ROBO1: variants seen among roughly 807,000 people sequenced by gnomAD.
ROBO1 encodes the protein roundabout guidance receptor 1.
A neutral mutation model predicts 195.9 loss-of-function variants in ROBO1; 149 were observed. That is an observed-to-expected ratio of 0.76 (90% CI 0.67 to 0.87). ROBO1 has a LOEUF of 0.87. Among genes scored for constraint, ROBO1 ranks in the 40% least tolerant of loss-of-function variants. The pLI is 0.00. For synonymous variants in ROBO1, 816 were observed against 733.2 expected (o/e 1.11, Z -1.82); for missense variants, 1,933 against 2,068.3 (o/e 0.93, Z 1.27).
chr3:79,454,322 G>A (rs987362297), intron 2 of ROBO1, among the ~76,000 whole-genome samples: 1 of 151,958 alleles, frequency 6.6e-6, no homozygotes, highest in African/African-American at 2.4e-5. Flanking sequence ...TATTTGTCAA[G>A]GCATGTTTCC....
At chr3:79,618,473 AT>A (rs1257932907) in intron 1 of ROBO1, among the ~76,000 whole-genome samples, 1 of 152,082 alleles carries the variant, frequency 6.6e-6, no homozygotes, top group Non-Finnish European at 1.5e-5. Context: ...ACCTTGTGAC[AT>A]TACTTCTCCT....
At chr3:79,473,667 C>T (rs888826941) in intron 2 of ROBO1, among the ~76,000 whole-genome samples, 1 of 152,054 alleles carries the variant, frequency 6.6e-6, no homozygotes, top group Middle Eastern at 3.2e-3. Flanking sequence ...ATAGCATTAA[C>T]ATAATTTAAT....
At chr3:79,549,860 C>G (rs1942411739) in intron 2 of ROBO1, among the ~76,000 whole-genome samples, 1 of 151,914 alleles carries the variant, frequency 6.6e-6, no homozygotes. Flanking sequence ...GGTGGCTCAC[C>G]CAGGAAAGGT....
Position 78,688,692 on chromosome 3 carries a change from C to T in ROBO1, c.1126G>A (p.Gly376Arg), listed in dbSNP as rs766936398. The change falls in exon 9 of 31, where the codon GGA becomes AGA. Residue 376 changes from glycine to arginine, a missense_variant. Gly to Arg is a moderately radical substitution (Grantham distance 125). Around this residue, in one of 3 missense-constraint regions of ROBO1, gnomAD observed 1,737 missense variants for 1,882.5 expected, o/e 0.92. Transcript: ENST00000464233. ...RTVTFQCEAT[G>R]NPQPAIFWRR... Reference sequence around the variant, plus strand: ...CAGAAAATAGCTGGTTGAGGATTTCCGGTTGCTTCACACTGAAAAGTTACA... The same window carrying T: ...CAGAAAATAGCTGGTTGAGGATTTCTGGTTGCTTCACACTGAAAAGTTACA... 5.0e-6 allele frequency: 8 copies of T among 1,607,454 alleles called. No individual in the cohort carries two copies. Among genetic ancestry groups the T allele is most frequent in the South Asian group, 3.3e-5 (3 of 89,638 alleles).
rs1553658606 is a variant in ROBO1, at chr3:79,015,389, C to CCA, written c.173-76463_173-76462insTG. 1.1e-3 allele frequency among the ~76,000 whole-genome samples: 163 copies of CCA among 148,804 alleles called. 1 individual carries two copies. Among genetic ancestry groups the CCA allele is most frequent in the African/African-American group, 3.9e-3 (157 of 40,050 alleles). ...AGAAACCCTCCCCCACGCCCCCCCC[C>CCA]AAAAAAACAAGAAAAAGAAAGTACC... is the stretch of plus-strand genomic sequence containing the variant. On this transcript the variant is annotated intron_variant, in intron 3 of 30. Coordinates refer to ENST00000464233, the MANE Select transcript of ROBO1 (RefSeq NM_002941.4).
At chr3:78,912,994 T>C (rs983451138) in intron 4 of ROBO1, among the ~76,000 whole-genome samples, 1 of 152,132 alleles carries the variant, frequency 6.6e-6, no homozygotes, top group African/African-American at 2.4e-5. Context: ...AGAAATAGTA[T>C]ATGTAAAGAA....
chr3:79,733,273 C>T (rs866572627), intron 1 of ROBO1, among the ~76,000 whole-genome samples: 3 of 152,184 alleles, frequency 2.0e-5, no homozygotes, highest in Non-Finnish European at 4.4e-5. Flanking sequence ...TTCCCATTAA[C>T]CATACAGTTA....
At chr3:79,691,263 C>A (rs1254960547) in intron 1 of ROBO1, among the ~76,000 whole-genome samples, 1 of 151,802 alleles carries the variant, frequency 6.6e-6, no homozygotes. Context: ...TTGGTACCAT[C>A]CTCTGCCCCT....
intron 2 of ROBO1, among the ~76,000 whole-genome samples, chr3:79,575,981 T>C (rs1008851782): frequency 6.6e-6 from 1 of 151,898 alleles, no homozygotes; most frequent in African/African-American, 2.4e-5. Flanking sequence ...CTGTTGAATT[T>C]TAGTTATTTT....
At position 79,156,938 on chromosome 3, in the gene ROBO1, T is replaced by C. The variant is rs551427634; in HGVS notation, c.89-31399A>G. Among the ~76,000 whole-genome samples the C allele has an allele frequency of 2.0e-5, 3 of 151,980 alleles. No homozygotes were observed. The East Asian group carries it at 5.8e-4, about 30-fold the overall frequency. On this transcript the variant is annotated intron_variant, in intron 2 of 30. Transcript: ENST00000464233. ...CATATACTTAGAAAGTATCATCTAG[T>C]TATGGATTCTTTCAGAGAGCACACT... is the stretch of plus-strand genomic sequence containing the variant.
At chr3:79,513,379 T>A (rs1472114028) in intron 2 of ROBO1, among the ~76,000 whole-genome samples, 1 of 152,094 alleles carries the variant, frequency 6.6e-6, no homozygotes, top group Non-Finnish European at 1.5e-5. Context: ...CTCAACCATA[T>A]TTTTAAAAAG....
chr3:79,761,178 T>C (rs764550492), intron 1 of ROBO1, among the ~76,000 whole-genome samples: 5 of 148,652 alleles, frequency 3.4e-5, no homozygotes, highest in Non-Finnish European at 5.9e-5. Context: ...TGTATATACT[T>C]ATAGTATTTA....
intron 2 of ROBO1, among the ~76,000 whole-genome samples, chr3:79,475,719 C>T (rs549658057): frequency 6.6e-6 from 1 of 152,072 alleles, no homozygotes; most frequent in African/African-American, 2.4e-5. Flanking sequence ...ATTGCTTGCA[C>T]CCTATGGTCC....
intron 2 of ROBO1, among the ~76,000 whole-genome samples, chr3:79,433,097 C>T (rs905615505): frequency 6.6e-6 from 1 of 152,206 alleles, no homozygotes; most frequent in South Asian, 2.1e-4. Context: ...TCCATGGTGC[C>T]TTGCTGCACA....
intron 2 of ROBO1, among the ~76,000 whole-genome samples, chr3:79,433,218 C>T (rs187455750): frequency 2.0e-5 from 3 of 152,124 alleles, no homozygotes; most frequent in Non-Finnish European, 4.4e-5. Context: ...TGTTTTACCC[C>T]CTCCTCATGT....
chr3:79,545,306 C>T (rs894890642), intron 2 of ROBO1, among the ~76,000 whole-genome samples: 2 of 152,156 alleles, frequency 1.3e-5, no homozygotes, highest in African/African-American at 4.8e-5. Context: ...CACATACTCT[C>T]CCAGTCTATA....
At position 79,177,455 on chromosome 3, in the gene ROBO1, C is replaced by T. The variant is rs569166096; in HGVS notation, c.89-51916G>A. ...AGGGGCTAGGGATATATAGGATGGG[C>T]GGACCCTCCTACCCCAACCTTTCCC... On this transcript the variant is annotated intron_variant, in intron 2 of 30. Coordinates refer to ENST00000464233, the MANE Select transcript of ROBO1 (RefSeq NM_002941.4). Among the ~76,000 whole-genome samples the T allele has an allele frequency of 3.9e-5, 6 of 152,188 alleles. No homozygotes were observed. The East Asian group carries it at 7.8e-4, about 20-fold the overall frequency.
intron 3 of ROBO1, among the ~76,000 whole-genome samples, chr3:79,067,443 T>A (rs1325963896): frequency 6.6e-6 from 1 of 151,988 alleles, no homozygotes; most frequent in Non-Finnish European, 1.5e-5. Context: ...CATAGGCTAG[T>A]AAAATTGTAC....
At chr3:78,958,210 T>G (rs2041144577) in intron 3 of ROBO1, among the ~76,000 whole-genome samples, 1 of 152,230 alleles carries the variant, frequency 6.6e-6, no homozygotes, top group African/African-American at 2.4e-5. Flanking sequence ...TATGGATAAC[T>G]GTTTTCTTAC....
Sources: allele counts gnomAD v4.1 joint callset (sites outside exome capture counted in the v4.1 genomes callset), GRCh38; gene constraint gnomAD v4.1.1; regional missense constraint gnomAD v4.1.1; transcripts MANE v1.5; gene names NCBI Gene and HGNC (gene_info 2026-07-23, HGNC 2026-07-21).